The following DNAL1 variants were observed in gnomAD, a reference collection of about 807,000 sequenced individuals.
DNAL1 encodes chromosome 14 open reading frame 168.
In DNAL1, 17 loss-of-function variants were observed where a neutral mutation model predicts 29.4. The observed-to-expected ratio is 0.58, with a 90% CI of 0.40 to 0.87. DNAL1 has a LOEUF of 0.87. DNAL1 is among the 40% of genes least tolerant of loss of function. DNAL1 has a pLI of 0.00. For missense variants in DNAL1, 188 were observed against 214.1 expected, an observed-to-expected ratio of 0.88 and a Z score of 0.76; for synonymous variants, 78 against 76.3, an observed-to-expected ratio of 1.02 and a Z score of -0.12.
At chr14:73,693,525 G>T (rs1394489274) in intron 7 of DNAL1, among the ~76,000 whole-genome samples, 1 of 152,040 alleles carries the variant, frequency 6.6e-6, no homozygotes, top group African/African-American at 2.4e-5. Flanking sequence ...ACACAACATG[G>T]ATGAATCATA....
At chr14:73,665,907 A>C (rs1319100723) in intron 4 of DNAL1, among the ~76,000 whole-genome samples, 1 of 152,154 alleles carries the variant, frequency 6.6e-6, no homozygotes, top group East Asian at 1.9e-4. Context: ...TCTCAGGAAA[A>C]TTGTAATAAT....
Position 73,671,615 on chromosome 14 carries a change from ATTATT to A in DNAL1, c.264+25_264+29del, listed in dbSNP as rs760337876. 15 of 1,426,496 alleles carry A rather than the reference ATTATT, an allele frequency of 1.1e-5. No individual in the cohort carries two copies. Among genetic ancestry groups the A allele is most frequent in the Admixed American group, 2.8e-5 (1 of 35,494 alleles). 88.4% of individuals were successfully genotyped at this position (1,426,496 alleles called of 1,614,324 possible). A position where few individuals can be genotyped will look rare whatever the true frequency, so the allele number is the denominator to read the frequency against. On this transcript the variant is annotated intron_variant, in intron 5 of 7. Coordinates refer to ENST00000553645, the MANE Select transcript of DNAL1 (RefSeq NM_031427.4). ...ATGGACTGGTAGGTTGTTATTTATT[ATTATT>A]TTATTTATTTAATTTGCACACATCT... is the stretch of plus-strand genomic sequence containing the variant.
At chr14:73,689,316 A>G (rs1892107439) in intron 6 of DNAL1, 59 bp from the exon 7 acceptor site, 5 of 1,542,160 alleles carry the variant, frequency 3.2e-6, no homozygotes, top group East Asian at 2.5e-5. Flanking sequence ...ACAGGCGTGG[A>G]CCACCGCACC....
chr14:73,675,804 C>T (rs985034275), intron 5 of DNAL1, among the ~76,000 whole-genome samples: 2 of 151,634 alleles, frequency 1.3e-5, no homozygotes, highest in Admixed American at 6.6e-5. Context: ...ATCACGAGGT[C>T]AGGAGTTCGA....
rs151282176 is a variant in DNAL1 at position 73,703,671 on chromosome 14, C to G, written c.*7729C>G. The G allele has an allele frequency of 0.015, 2,245 of 152,516 alleles. 46 individuals carry two copies. Among genetic ancestry groups the G allele is most frequent in the South Asian group, 0.11 (514 of 4,830 alleles). The allele number at this position is 152,516 out of a possible 1,614,324, so 9.4% of individuals were successfully genotyped here. ...GATAATCCACCACCCTTTGCTGACT[C>G]TCTTTTCGGACTCAGCCCGCCTGCA... On this transcript the variant is annotated 3_prime_UTR_variant, in exon 8 of 8. Transcript: ENST00000553645.
At position 73,644,994 on chromosome 14, in the gene DNAL1, C is replaced by T. The variant is rs770999301; in HGVS notation, c.-46C>T. Reference sequence around the variant, plus strand: ...CCGAGAAGTGCGCACGCGCACTGACCCCGCGGGCCCTAGCAACCAGAGCAG... The same window carrying T: ...CCGAGAAGTGCGCACGCGCACTGACTCCGCGGGCCCTAGCAACCAGAGCAG... On this transcript the variant is annotated 5_prime_UTR_variant, in exon 1 of 8. Transcript: ENST00000553645. 2 of 1,604,588 alleles carry T rather than the reference C, an allele frequency of 1.2e-6. No homozygotes were observed. The highest frequency in any genetic ancestry group is 1.3e-5 in the African/African-American group (1 of 74,768).
intron 1 of DNAL1, among the ~76,000 whole-genome samples, chr14:73,654,450 C>A (rs975002339): frequency 6.6e-6 from 1 of 152,114 alleles, no homozygotes; most frequent in African/African-American, 2.4e-5. Context: ...AGTTAATCAA[C>A]AAATTACACC....
chr14:73,666,398 A>G (rs1595210035), intron 4 of DNAL1, among the ~76,000 whole-genome samples: 2 of 152,264 alleles, frequency 1.3e-5, no homozygotes, highest in East Asian at 1.9e-4. Context: ...TTTTGTTGCC[A>G]TTTATCTTTG....
intron 5 of DNAL1, among the ~76,000 whole-genome samples, chr14:73,674,565 G>A (rs1230397891): frequency 2.0e-5 from 3 of 152,052 alleles, no homozygotes; most frequent in African/African-American, 7.2e-5. Flanking sequence ...TGTTTTAGAC[G>A]AGGTCTCACT....
intron 5 of DNAL1, among the ~76,000 whole-genome samples, chr14:73,683,644 T>A (rs1182975932): frequency 6.8e-6 from 1 of 147,288 alleles, no homozygotes; most frequent in Admixed American, 6.7e-5. Context: ...CAGTCTCTGG[T>A]AACTACTGTT....
intron 4 of DNAL1, among the ~76,000 whole-genome samples, chr14:73,667,931 A>G (rs184060216): frequency 1.6e-4 from 24 of 152,192 alleles, no homozygotes; most frequent in African/African-American, 5.8e-4. Flanking sequence ...CTTTCATATT[A>G]TACGTATGGA....
chr14:73,682,866 GTTA>G (rs1203737474), intron 5 of DNAL1, among the ~76,000 whole-genome samples: 17 of 113,870 alleles, frequency 1.5e-4, no homozygotes, highest in African/African-American at 5.5e-4. Flanking sequence ...CTGTTTTATA[GTTA>G]TTTTTTTTTT....
intron 5 of DNAL1, among the ~76,000 whole-genome samples, chr14:73,672,112 A>T (rs1235651626): frequency 6.6e-6 from 1 of 152,096 alleles, no homozygotes; most frequent in Non-Finnish European, 1.5e-5. Flanking sequence ...TCCAACAGTA[A>T]CCTCCCAAGA....
rs992338864 is a variant in DNAL1, at chr14:73,698,568, C to G, written c.*2626C>G. 1 of 151,958 alleles carries G rather than the reference C, an allele frequency of 6.6e-6. No individual in the cohort carries two copies. Among genetic ancestry groups the G allele is most frequent in the Non-Finnish European group, 1.5e-5 (1 of 68,022 alleles). 9.4% of individuals were successfully genotyped at this position (151,958 alleles called of 1,614,324 possible). A position where few individuals can be genotyped will look rare whatever the true frequency, so the allele number is the denominator to read the frequency against. On this transcript the variant is annotated 3_prime_UTR_variant, in exon 8 of 8. Transcript: ENST00000553645. ...TTTGTTTTAAACAGAGTCTCACTCC[C>G]GAGTAGCTGGGACCACAGGCACGTG...
chr14:73,682,998 T>G (rs1891929059), intron 5 of DNAL1, among the ~76,000 whole-genome samples: 1 of 151,698 alleles, frequency 6.6e-6, no homozygotes, highest in Non-Finnish European at 1.5e-5. Flanking sequence ...TGCCTCAGCC[T>G]TCCGAGTAGC....
chr14:73,699,413 C>A lies in DNAL1; in HGVS notation c.*3471C>A, dbSNP rs769928560. ...CTCCGTCTCCCGGGTTCAAGCAATTCTTCTGCCTCCGCCTCCCAAGTAGCT... is the reference window on the plus strand; with the variant it reads ...CTCCGTCTCCCGGGTTCAAGCAATTATTCTGCCTCCGCCTCCCAAGTAGCT... On this transcript the variant is annotated 3_prime_UTR_variant, in exon 8 of 8. Coordinates refer to ENST00000553645, the MANE Select transcript of DNAL1 (RefSeq NM_031427.4). 5.3e-5 allele frequency: 8 copies of A among 151,624 alleles called. No individual in the cohort carries two copies. Among genetic ancestry groups the A allele is most frequent in the Non-Finnish European group, 1.2e-4 (8 of 67,996 alleles). 9.4% of individuals were successfully genotyped at this position (151,624 alleles called of 1,614,324 possible).
At chr14:73,692,171 C>T (rs550795838) in intron 7 of DNAL1, among the ~76,000 whole-genome samples, 168 of 151,964 alleles carry the variant, frequency 1.1e-3, no homozygotes, top group Non-Finnish European at 9.1e-4. Flanking sequence ...ACGTAGAAAG[C>T]GAACCTCTTC....
In DNAL1 at chr14:73,695,944, GCCACGCTTT is replaced by G; in HGVS notation, c.*7_*15del. 6.3e-7 allele frequency: 1 copy of G among 1,588,290 alleles called. No individual in the cohort carries two copies. Among genetic ancestry groups the G allele is most frequent in the Non-Finnish European group, 8.6e-7 (1 of 1,165,780 alleles). The stretch of plus-strand genomic sequence containing the variant: ...GGGGATGAGGAAGAAGACAACTAAT[GCCACGCTTT>G]CCACTGTGTGTTAACTTATTTAAAT... On this transcript the variant is annotated 3_prime_UTR_variant, in exon 8 of 8. Coordinates refer to ENST00000553645, the MANE Select transcript of DNAL1 (RefSeq NM_031427.4).
chr14:73,700,425 C>T lies in DNAL1; in HGVS notation c.*4483C>T, dbSNP rs1441129275. 3 of 152,110 alleles carry T rather than the reference C, an allele frequency of 2.0e-5. No individual in the cohort carries two copies. The highest frequency in any genetic ancestry group is 7.2e-5 in the African/African-American group (3 of 41,412). 9.4% of individuals were successfully genotyped at this position (152,110 alleles called of 1,614,324 possible). A position where few individuals can be genotyped will look rare whatever the true frequency, so the allele number is the denominator to read the frequency against. ...ACTTGAATAAACACTTCTTTTGACA[C>T]CTTTTACCAGTGGTCTGAAGCAGAA... On this transcript the variant is annotated 3_prime_UTR_variant, in exon 8 of 8. Coordinates refer to ENST00000553645, the MANE Select transcript of DNAL1 (RefSeq NM_031427.4).
Sources: gnomAD v4.1 joint callset for allele counts (sites outside exome capture counted in the v4.1 genomes callset) on GRCh38, gnomAD v4.1.1 for gene constraint, MANE v1.5 for transcripts, NCBI Gene and HGNC (gene_info 2026-07-23, HGNC 2026-07-21) for gene names.